LRIG1: variants seen among roughly 807,000 people sequenced by gnomAD.
LRIG1 encodes the protein leucine-rich repeats and immunoglobulin-like domains protein 1.
In LRIG1, 48 loss-of-function variants were observed where a neutral mutation model predicts 99.2. The ratio of observed to expected loss-of-function variants is 0.48; its 90% CI spans 0.38 to 0.62. The LOEUF is 0.62. Among genes scored for constraint, LRIG1 ranks in the 20% least tolerant of loss-of-function variants. The probability of loss-of-function intolerance (pLI) is 0.00; values close to 1 mark genes in which losing one functional copy is unlikely to be tolerated. For synonymous variants in LRIG1, 772 were observed against 596.1 expected, an observed-to-expected ratio of 1.29 and a Z score of -4.30; for missense variants, 1,646 against 1,434.4, an observed-to-expected ratio of 1.15 and a Z score of -2.38.
chr3:66,392,126 T>C (rs1701643757), intron 12 of LRIG1, among the ~76,000 whole-genome samples: 1 of 152,246 alleles, frequency 6.6e-6, no homozygotes, highest in Non-Finnish European at 1.5e-5. Flanking sequence ...GTTGCAGGAC[T>C]ACTGATTGCT....
intron 13 of LRIG1, among the ~76,000 whole-genome samples, chr3:66,385,775 C>G (rs1256361100): frequency 6.6e-6 from 1 of 152,188 alleles, no homozygotes; most frequent in Admixed American, 6.5e-5. Context: ...TTAAAACTCA[C>G]CAAAAACAAG....
intron 3 of LRIG1, among the ~76,000 whole-genome samples, chr3:66,442,561 C>T (rs1015926534): frequency 1.3e-5 from 2 of 152,136 alleles, no homozygotes; most frequent in Non-Finnish European, 2.9e-5. Context: ...AGAGCAGCTC[C>T]GCTTCCCGGC....
intron 3 of LRIG1, among the ~76,000 whole-genome samples, chr3:66,448,258 C>A (rs1703790385): frequency 6.6e-6 from 1 of 152,216 alleles, no homozygotes; most frequent in South Asian, 2.1e-4. Flanking sequence ...TGCCTCTTCC[C>A]ATGAGGCTCT....
Position 66,388,168 on chromosome 3 carries a change from G to A in LRIG1, c.1469-1867C>T, listed in dbSNP as rs1701474500. ...TGAGAAAATTTTATAGCAATAAAGA[G>A]AAATTATAGATATGAACCAAGTAGA... On this transcript the variant is annotated intron_variant, in intron 12 of 18. Coordinates refer to ENST00000273261, the MANE Select transcript of LRIG1 (RefSeq NM_015541.3). The A allele has an allele frequency of 2.2e-5, 3 of 136,740 alleles. No individual in the cohort carries two copies. The South Asian group carries it at 7.1e-4, about 32-fold the overall frequency. The allele number at this position is 136,740 out of a possible 1,614,324, so 8.5% of individuals were successfully genotyped here. A position where few individuals can be genotyped will look rare whatever the true frequency, so the allele number is the denominator to read the frequency against.
In LRIG1 at chr3:66,438,030, T is replaced by C. The variant is rs115703275; in HGVS notation, c.365+13529A>G. 8.6e-3 allele frequency among the ~76,000 whole-genome samples: 1,311 copies of C among 152,276 alleles called. 24 individuals carry two copies. Among genetic ancestry groups the C allele is most frequent in the African/African-American group, 0.03 (1,247 of 41,536 alleles). On this transcript the variant is annotated intron_variant, in intron 3 of 18. Coordinates refer to ENST00000273261, the MANE Select transcript of LRIG1 (RefSeq NM_015541.3). ...CACGAAGGGACCCTTCATTCATGTC[T>C]TCGTCAAATATTGATGAAGGTACTT...
At chr3:66,453,613 T>C (rs923717808) in intron 2 of LRIG1, among the ~76,000 whole-genome samples, 4 of 152,222 alleles carry the variant, frequency 2.6e-5, no homozygotes, top group Non-Finnish European at 5.9e-5. Flanking sequence ...ACTACCATTC[T>C]CTACATTACC....
Position 66,384,106 on chromosome 3 carries a change from C to G in LRIG1, c.1956G>C (p.Pro652=). The change falls in exon 14 of 19, where the codon CCG becomes CCC. Residue 652 remains proline (P), a synonymous_variant. Coordinates refer to ENST00000273261, the MANE Select transcript of LRIG1 (RefSeq NM_015541.3). The stretch of plus-strand genomic sequence containing the variant: ...CAGTGATGAAAAACACGTCGTCATC[C>G]GGCATGACATGCATGCGTCGCTCAC... The part of the protein sequence containing the change: ...AARERRMHVM[P]DDDVFFITDV... 6.2e-7 allele frequency: 1 copy of G among 1,614,162 alleles called. No homozygotes were observed.
chr3:66,463,556 T>C (rs1700404981), intron 1 of LRIG1, among the ~76,000 whole-genome samples: 1 of 152,208 alleles, frequency 6.6e-6, no homozygotes, highest in Non-Finnish European at 1.5e-5. Flanking sequence ...GCTTCATCTT[T>C]CAGGAACAGA....
intron 3 of LRIG1, among the ~76,000 whole-genome samples, chr3:66,445,589 C>A (rs1407969848): frequency 6.6e-6 from 1 of 152,210 alleles, no homozygotes; most frequent in African/African-American, 2.4e-5. Context: ...GCACAAAGAG[C>A]TCCACCATCT....
At chr3:66,500,033 G>A (rs370859552) in intron 1 of LRIG1, among the ~76,000 whole-genome samples, 157 bp downstream of exon 1, 1 of 151,598 alleles carries the variant, frequency 6.6e-6, no homozygotes, top group Non-Finnish European at 1.5e-5. Context: ...TCTCCCTTCC[G>A]CCACTCCAAC....
intron 1 of LRIG1, among the ~76,000 whole-genome samples, chr3:66,479,296 C>T (rs1700795544): frequency 6.6e-6 from 1 of 152,230 alleles, no homozygotes; most frequent in East Asian, 1.9e-4. Flanking sequence ...TACAGGAGAG[C>T]AAATTCTCCC....
At chr3:66,404,499 A>G in intron 9 of LRIG1, 2 of 988,388 alleles carry the variant, frequency 2.0e-6, no homozygotes, top group South Asian at 4.8e-5. Flanking sequence ...GCCAAGGGGA[A>G]GGGAACGTGG....
intron 1 of LRIG1, among the ~76,000 whole-genome samples, chr3:66,472,685 A>C (rs1024900261): frequency 6.6e-6 from 1 of 152,202 alleles, no homozygotes; most frequent in African/African-American, 2.4e-5. Context: ...ACTGGGATAA[A>C]GTGATAAGAA....
chr3:66,420,933 T>C (rs1575677421), intron 3 of LRIG1, among the ~76,000 whole-genome samples: 1 of 152,126 alleles, frequency 6.6e-6, no homozygotes. Context: ...CTCACAATCA[T>C]GGCAGAAGGC....
rs549468810 is a variant in LRIG1, at chr3:66,435,751, T to A, written c.365+15808A>T. Reference sequence around the variant, plus strand: ...TGTCACCATTGGGAGAAACTGGGTTTAAGGGTACGTGAGGGATCTCCCCAT... The same window carrying A: ...TGTCACCATTGGGAGAAACTGGGTTAAAGGGTACGTGAGGGATCTCCCCAT... On this transcript the variant is annotated intron_variant, in intron 3 of 18. Coordinates refer to ENST00000273261, the MANE Select transcript of LRIG1 (RefSeq NM_015541.3). 1.0e-4 allele frequency among the ~76,000 whole-genome samples: 15 copies of A among 150,580 alleles called. No individual in the cohort carries two copies. The South Asian group carries it at 2.8e-3, about 28-fold the overall frequency.
At chr3:66,436,560 C>T (rs949949160) in intron 3 of LRIG1, among the ~76,000 whole-genome samples, 2 of 152,216 alleles carry the variant, frequency 1.3e-5, no homozygotes, top group East Asian at 1.9e-4. Context: ...GGAAACACCA[C>T]GTCTCTCCCC....
chr3:66,438,626 G>T (rs1703440151), intron 3 of LRIG1, among the ~76,000 whole-genome samples: 1 of 152,204 alleles, frequency 6.6e-6, no homozygotes, highest in Admixed American at 6.5e-5. Flanking sequence ...ACTCCAGGAA[G>T]GGATGTTTCC....
chr3:66,454,507 C>T (rs867749931), intron 2 of LRIG1, among the ~76,000 whole-genome samples: 8 of 152,276 alleles, frequency 5.3e-5, no homozygotes, highest in African/African-American at 1.9e-4. Context: ...CCCTACCCGC[C>T]AATTTACTTC....
In LRIG1 at chr3:66,382,486, C is replaced by A. The variant is rs1575642044; in HGVS notation, c.2492-88G>T. ...TCACTGTCAAGCTCAGAAAGGGGAT[C>A]CTCCCAGTGACGACCATCAGCGCTG... On this transcript the variant is annotated intron_variant, in intron 15 of 18. Coordinates refer to ENST00000273261, the MANE Select transcript of LRIG1 (RefSeq NM_015541.3). The A allele has an allele frequency of 3.3e-6, 5 of 1,499,448 alleles. No individual in the cohort carries two copies. The South Asian group carries it at 5.7e-5, about 17-fold the overall frequency. 92.9% of individuals were successfully genotyped at this position (1,499,448 alleles called of 1,614,324 possible).
Sources: gnomAD v4.1 joint callset for allele counts (sites outside exome capture counted in the v4.1 genomes callset) on GRCh38, gnomAD v4.1.1 for gene constraint, MANE v1.5 for transcripts, NCBI Gene and HGNC (gene_info 2026-07-23, HGNC 2026-07-21) for gene names.